Variants in ADGRL2 observed in about 807,000 individuals in gnomAD.
ADGRL2 encodes calcium-independent alpha-latrotoxin receptor 2.
A neutral mutation model predicts 157.4 loss-of-function variants in ADGRL2; 44 were observed. The observed-to-expected ratio is 0.28, with a 90% CI of 0.22 to 0.36. The LOEUF (loss-of-function observed/expected upper bound fraction) is 0.36. Among genes scored for constraint, ADGRL2 ranks in the 10% least tolerant of loss-of-function variants. The pLI, the probability that ADGRL2 is intolerant of heterozygous loss-of-function variation, is 1.00. For missense variants in ADGRL2, 1,510 were observed against 1,768.9 expected (o/e 0.85, Z 2.63); for synonymous variants, 585 against 624.7 (o/e 0.94, Z 0.95).
At chr1:81,912,721 C>A (rs1435892645) in intron 3 of ADGRL2, among the ~76,000 whole-genome samples, 1 of 151,916 alleles carries the variant, frequency 6.6e-6, no homozygotes, top group Non-Finnish European at 1.5e-5. Context: ...AAGCCAGTAG[C>A]AAAGTACAAA....
chr1:81,866,188 A>G (rs2093538180), intron 2 of ADGRL2, among the ~76,000 whole-genome samples: 1 of 152,094 alleles, frequency 6.6e-6, no homozygotes, highest in South Asian at 2.1e-4. Flanking sequence ...TCTGGCACTC[A>G]TTCCTAGGCT....
Position 81,503,246 on chromosome 1 carries a change from C to A in ADGRL2, c.-248+58157C>A. The stretch of plus-strand genomic sequence containing the variant: ...GCCTCGGCTGCAGCACTGAACCTGA[C>A]CACGAGTAGCATTGGGAGCGTTAAC... On this transcript the variant is annotated intron_variant, in intron 2 of 24. Transcript: ENST00000370721. 1.9e-6 allele frequency: 3 copies of A among 1,614,212 alleles called. No individual in the cohort carries two copies. In the South Asian group the frequency reaches 3.3e-5, roughly 18 times the overall value.
chr1:81,956,189 T>G, intron 11 of ADGRL2, 129 bp downstream of exon 11: 1 of 653,442 alleles, frequency 1.5e-6, no homozygotes, highest in Non-Finnish European at 2.3e-6. Flanking sequence ...TTTTGTCTGT[T>G]ACCAAGAGAA....
intron 3 of ADGRL2, among the ~76,000 whole-genome samples, chr1:81,626,775 C>G (rs909433949): frequency 6.6e-6 from 1 of 152,206 alleles, no homozygotes; most frequent in Non-Finnish European, 1.5e-5. Flanking sequence ...AGTCCTTTGA[C>G]CAATGCCTCA....
At chr1:81,862,869 A>G (rs1044914072) in intron 2 of ADGRL2, among the ~76,000 whole-genome samples, 10 of 152,162 alleles carry the variant, frequency 6.6e-5, no homozygotes, top group African/African-American at 2.2e-4. Flanking sequence ...GTAAACAAGA[A>G]AAGCTTTTTC....
At chr1:81,764,536 T>C (rs1402115940) in intron 2 of ADGRL2, among the ~76,000 whole-genome samples, 1 of 152,112 alleles carries the variant, frequency 6.6e-6, no homozygotes, top group East Asian at 1.9e-4. Flanking sequence ...TAGTTCTCAG[T>C]TTACATAAAA....
intron 1 of ADGRL2, chr1:81,426,547 C>G (rs1322089954): frequency 1.6e-5 from 7 of 442,590 alleles, no homozygotes; most frequent in Non-Finnish European, 2.7e-5. Context: ...CCAAAGGAAC[C>G]AGAGTAGTTG....
At chr1:81,725,203 C>CAAA (rs71592739) in intron 1 of ADGRL2, among the ~76,000 whole-genome samples, 2 of 77,294 alleles carry the variant, frequency 2.6e-5, no homozygotes, top group Non-Finnish European at 4.8e-5. Flanking sequence ...GACCCCGTCT[C>CAAA]AAAAAAAAAA....
At chr1:81,358,778 G>A (rs2075917189) in intron 1 of ADGRL2, among the ~76,000 whole-genome samples, 1 of 152,102 alleles carries the variant, frequency 6.6e-6, no homozygotes, top group Admixed American at 6.5e-5. Context: ...AAACAGATGA[G>A]TTATAATAGG....
chr1:81,896,945 T>C (rs2151540515), intron 2 of ADGRL2, among the ~76,000 whole-genome samples: 1 of 152,284 alleles, frequency 6.6e-6, no homozygotes. Flanking sequence ...ATTATAGTAG[T>C]GAACCAGATA....
chr1:81,619,942 TA>T (rs3834770), intron 3 of ADGRL2, among the ~76,000 whole-genome samples: 4 of 150,886 alleles, frequency 2.7e-5, no homozygotes, highest in African/African-American at 4.9e-5. Context: ...TCCATTTCTT[TA>T]AAAAAAAAGA....
At chr1:81,893,542 T>C (rs1182629057) in intron 2 of ADGRL2, among the ~76,000 whole-genome samples, 2 of 152,176 alleles carry the variant, frequency 1.3e-5, no homozygotes, top group Non-Finnish European at 1.5e-5. Context: ...TTTGTCAGAA[T>C]CTGTGTATCC....
chr1:81,865,476 T>C (rs1186548194), intron 2 of ADGRL2, among the ~76,000 whole-genome samples: 1 of 152,222 alleles, frequency 6.6e-6, no homozygotes, highest in African/African-American at 2.4e-5. Flanking sequence ...AAATATCCTC[T>C]TCACTTACCA....
intron 3 of ADGRL2, among the ~76,000 whole-genome samples, chr1:81,605,870 T>C (rs368231968): frequency 1.3e-5 from 2 of 152,210 alleles, no homozygotes; most frequent in African/African-American, 4.8e-5. Flanking sequence ...TTGAATTAAA[T>C]CAACTCTAAG....
At position 81,966,586 on chromosome 1, in the gene ADGRL2, C is replaced by A. The variant is rs1558014902; in HGVS notation, c.2326C>A (p.Leu776Ile). The change falls in exon 13 of 24, where the codon CTT becomes ATT. Residue 776 changes from leucine to isoleucine, a missense_variant. By Grantham distance (5) the Leu-to-Ile change is conservative. Transcript: ENST00000686636. ...CCGAGTATACCTGACTGATCCTGTG[C>A]TTTTTACCCTGCCACACATTGATGT... Reference protein sequence around the residue: ...SSRVYLTDPVLFTLPHIDPDN... With the variant: ...SSRVYLTDPVIFTLPHIDPDN... 6 of 1,613,852 alleles carry A rather than the reference C, an allele frequency of 3.7e-6. No homozygotes were observed. Among genetic ancestry groups the A allele is most frequent in the Non-Finnish European group, 5.1e-6 (6 of 1,179,848 alleles).
intron 2 of ADGRL2, among the ~76,000 whole-genome samples, chr1:81,771,491 C>T (rs140610277): frequency 3.2e-4 from 49 of 152,092 alleles, no homozygotes; most frequent in Middle Eastern, 3.4e-3. Flanking sequence ...ATAAATGCAT[C>T]GCATAGAGGA....
At chr1:81,903,745 T>TTA (rs534410710) in intron 2 of ADGRL2, among the ~76,000 whole-genome samples, 5 of 142,432 alleles carry the variant, frequency 3.5e-5, no homozygotes, top group Non-Finnish European at 6.2e-5. Context: ...TATATACACA[T>TTA]TATATATATA....
In ADGRL2 at chr1:81,985,306, A is replaced by G. The variant is rs778366540; in HGVS notation, c.3459A>G (p.Glu1153=). 24 of 1,607,500 alleles carry G rather than the reference A, an allele frequency of 1.5e-5. No homozygotes were observed. The Admixed American group carries it at 2.0e-4, about 13-fold the overall frequency. ...ATGATACTGTGAGAAAACAATCAGA[A>G]TCTTCTTTTATCTCAGGTGACATCA... ...MWNDTVRKQS[E]SSFISGDINS... is the part of the protein sequence containing the mutation. Residue 1153 remains glutamate, a synonymous_variant, in exon 21 of 24, where the codon GAA becomes GAG. Coordinates refer to ENST00000686636, the MANE Select transcript of ADGRL2 (RefSeq NM_001366006.2).
At chr1:81,431,098 C>T (rs1228769261) in intron 1 of ADGRL2, among the ~76,000 whole-genome samples, 1 of 152,126 alleles carries the variant, frequency 6.6e-6, no homozygotes, top group Non-Finnish European at 1.5e-5. Flanking sequence ...TATAGTCTGA[C>T]ATCAGAATTA....
Sources: allele counts gnomAD v4.1 joint callset (sites outside exome capture counted in the v4.1 genomes callset), GRCh38; gene constraint gnomAD v4.1.1; transcripts MANE v1.5; gene names NCBI Gene and HGNC (gene_info 2026-07-23, HGNC 2026-07-21).